PCDH15: variants seen among roughly 807,000 people sequenced by gnomAD.
PCDH15 encodes the protein protocadherin related 15.
In PCDH15, 129 loss-of-function variants were observed where a neutral mutation model predicts 178.5. The ratio of observed to expected loss-of-function variants is 0.72; its 90% CI spans 0.63 to 0.84. PCDH15 has a LOEUF of 0.84. Ranked by LOEUF, PCDH15 falls within the 40% of genes least tolerant of loss-of-function variation. The pLI is 0.00. For synonymous variants in PCDH15, 800 were observed against 732.0 expected (o/e 1.09, Z -1.50); for missense variants, 2,230 against 2,099.9 (o/e 1.06, Z -1.21).
chr10:54,424,027 A>T (rs904281149), intron 3 of PCDH15, among the ~76,000 whole-genome samples: 2 of 151,914 alleles, frequency 1.3e-5, no homozygotes, highest in Admixed American at 1.3e-4. Context: ...ATCTAATTAA[A>T]CTACAGAGCT....
At chr10:54,243,447 C>T (rs980484998) in intron 8 of PCDH15, among the ~76,000 whole-genome samples, 1 of 152,130 alleles carries the variant, frequency 6.6e-6, no homozygotes, top group Non-Finnish European at 1.5e-5. Flanking sequence ...GCGGAGCTTG[C>T]AGTGAGCAGA....
At chr10:54,192,956 G>C (rs1416832627) in intron 11 of PCDH15, among the ~76,000 whole-genome samples, 1 of 152,124 alleles carries the variant, frequency 6.6e-6, no homozygotes, top group Admixed American at 6.5e-5. Flanking sequence ...TGGACAAGAG[G>C]GGGCACCTGA....
chr10:54,068,337 T>C (rs2094176141), intron 17 of PCDH15, among the ~76,000 whole-genome samples: 1 of 152,186 alleles, frequency 6.6e-6, no homozygotes, highest in Non-Finnish European at 1.5e-5. Flanking sequence ...AAAATTTATG[T>C]TGCTATTCAT....
At chr10:54,175,483 A>G (rs1590967457) in intron 13 of PCDH15, among the ~76,000 whole-genome samples, 1 of 152,210 alleles carries the variant, frequency 6.6e-6, no homozygotes, top group East Asian at 1.9e-4. Context: ...ATTTATGAGA[A>G]TGGTACAGTA....
At chr10:53,990,786 C>T (rs1456855656) in intron 21 of PCDH15, among the ~76,000 whole-genome samples, 2 of 151,958 alleles carry the variant, frequency 1.3e-5, no homozygotes, top group Non-Finnish European at 2.9e-5. Context: ...GAGATGGCTC[C>T]CCCTGCTTGC....
In PCDH15 at chr10:53,857,186, T is replaced by G. The variant is rs111033496; in HGVS notation, c.3795A>C (p.Glu1265Asp). The G allele has an allele frequency of 3.8e-6, 6 of 1,597,560 alleles. No homozygotes were observed. Among genetic ancestry groups the G allele is most frequent in the Non-Finnish European group, 5.1e-6 (6 of 1,165,540 alleles). The change falls in exon 28 of 38, where the codon GAA (glutamate) becomes GAC (aspartate). Residue 1265 changes from glutamate (E) to aspartate (D), a missense_variant. Physicochemically the swap from Glu to Asp is conservative, Grantham distance 45. Transcript: ENST00000644397. ...VPPTLVEKKI[E>D]DLTEILDRYV... Reference sequence around the variant, plus strand: ...ACAAAATCAATTACTCTGTAAGATCTTCTATCTTTTTTTCCACTAGAGTAG... The same window carrying G: ...ACAAAATCAATTACTCTGTAAGATCGTCTATCTTTTTTTCCACTAGAGTAG...
At chr10:54,462,132 G>A (rs1589535319) in intron 3 of PCDH15, among the ~76,000 whole-genome samples, 1 of 152,188 alleles carries the variant, frequency 6.6e-6, no homozygotes, top group East Asian at 1.9e-4. Context: ...CAAAGAAAAT[G>A]TAGCTAGTAG....
At chr10:54,108,724 G>T (rs1409783882) in intron 15 of PCDH15, among the ~76,000 whole-genome samples, 1 of 152,052 alleles carries the variant, frequency 6.6e-6, no homozygotes, top group African/African-American at 2.4e-5. Flanking sequence ...CAGGTCAGGG[G>T]GATACTCTTT....
At chr10:54,351,164 C>CT (rs1198021390) in intron 5 of PCDH15, among the ~76,000 whole-genome samples, 4 of 151,888 alleles carry the variant, frequency 2.6e-5, no homozygotes, top group Non-Finnish European at 4.4e-5. Flanking sequence ...ATATTCAGAT[C>CT]TTTTTTGTGC....
chr10:54,866,914 C>T (rs1383684008), intron 3 of PCDH15, among the ~76,000 whole-genome samples: 2 of 152,114 alleles, frequency 1.3e-5, no homozygotes, highest in Non-Finnish European at 2.9e-5. Flanking sequence ...AGGAAAAGGT[C>T]TCTTAGGAAT....
At chr10:55,355,455 C>T (rs1164248259) in intron 2 of PCDH15, among the ~76,000 whole-genome samples, 3 of 151,818 alleles carry the variant, frequency 2.0e-5, no homozygotes, top group Non-Finnish European at 2.9e-5. Flanking sequence ...GTGATGGTGC[C>T]GCAACATGGT....
chr10:55,351,330 G>A (rs2083745931), intron 2 of PCDH15, among the ~76,000 whole-genome samples: 1 of 151,846 alleles, frequency 6.6e-6, no homozygotes, highest in South Asian at 2.1e-4. Flanking sequence ...AAAAAAATAA[G>A]TGTTGTATTA....
intron 1 of PCDH15, among the ~76,000 whole-genome samples, chr10:55,274,673 C>A (rs927767198): frequency 6.6e-6 from 1 of 152,092 alleles, no homozygotes; most frequent in East Asian, 1.9e-4. Flanking sequence ...TGGTCCCCAA[C>A]CTTTTTGACA....
chr10:53,903,470 A>C (rs1225848439), intron 25 of PCDH15, 100 bp from the exon 26 acceptor site: 1 of 1,398,644 alleles, frequency 7.1e-7, no homozygotes, highest in African/African-American at 1.4e-5. Flanking sequence ...GGAAACATTG[A>C]AAATAAATCA....
At chr10:54,263,005 T>C (rs560628558) in intron 8 of PCDH15, among the ~76,000 whole-genome samples, 67 of 145,854 alleles carry the variant, frequency 4.6e-4, no homozygotes, top group Non-Finnish European at 8.0e-4. Context: ...GTTGCACCCA[T>C]TGTGGCACTG....
In PCDH15 at chr10:55,080,625, C is replaced by T. The variant is rs114195154; in HGVS notation, c.-80+85951G>A. Among the ~76,000 whole-genome samples, 276 of 152,214 alleles carry T rather than the reference C, an allele frequency of 1.8e-3. 2 individuals carry two copies. The highest frequency in any genetic ancestry group is 5.9e-3 in the African/African-American group (246 of 41,550). Reference sequence around the variant, plus strand: ...ATTGTTTGGAGTCCAGGAGGGATCTCGTCCTTTGCACACACAGGCATAAGC... The same window carrying T: ...ATTGTTTGGAGTCCAGGAGGGATCTTGTCCTTTGCACACACAGGCATAAGC... On this transcript the variant is annotated intron_variant, in intron 2 of 5. Coordinates refer to the PCDH15 transcript ENST00000458638.
intron 8 of PCDH15, among the ~76,000 whole-genome samples, chr10:54,302,483 T>A (rs1395854248): frequency 6.6e-6 from 1 of 152,126 alleles, no homozygotes; most frequent in Non-Finnish European, 1.5e-5. Context: ...TTAACAATAG[T>A]TCCCTTAATA....
chr10:53,808,483 G>A, intron 37 of PCDH15: 1 of 1,373,698 alleles, frequency 7.3e-7, no homozygotes, highest in Non-Finnish European at 9.4e-7. Context: ...AATATAGGAA[G>A]GATTAGTCAG....
At chr10:55,257,023 A>C (rs528408783) in intron 1 of PCDH15, among the ~76,000 whole-genome samples, 2 of 152,246 alleles carry the variant, frequency 1.3e-5, no homozygotes, top group South Asian at 4.2e-4. Context: ...CTCTGAGACA[A>C]AACTTCCAGA....
Sources: gnomAD v4.1 joint callset for allele counts (sites outside exome capture counted in the v4.1 genomes callset) on GRCh38, gnomAD v4.1.1 for gene constraint, MANE v1.5 for transcripts, NCBI Gene and HGNC (gene_info 2026-07-23, HGNC 2026-07-21) for gene names.